GCA: variants seen among roughly 807,000 people sequenced by gnomAD.
GCA encodes the protein grancalcin, EF-hand calcium-binding protein.
In GCA, 30 loss-of-function variants were observed where a neutral mutation model predicts 32.6. The ratio of observed to expected loss-of-function variants is 0.92; its 90% CI spans 0.69 to 1.25. The LOEUF (loss-of-function observed/expected upper bound fraction) is 1.25. Among genes scored for constraint, GCA ranks in the 50% most tolerant of loss-of-function variants. The pLI, the probability that GCA is intolerant of heterozygous loss-of-function variation, is 0.00. For missense variants in GCA, 291 were observed against 266.8 expected (o/e 1.09, Z -0.63); for synonymous variants, 102 against 84.6 (o/e 1.21, Z -1.13).
rs1226425453 is a variant in GCA at position 162,321,895 on chromosome 2, T to C, written c.-31+2670T>C. On this transcript the variant is annotated intron_variant, in intron 1 of 4. Coordinates refer to the GCA transcript ENST00000429691. ...AAAAATTTAGTTACATATATATATA[T>C]ATATATATATATATATATATATATA... 1.1e-4 allele frequency among the ~76,000 whole-genome samples: 6 copies of C among 54,420 alleles called. No individual in the cohort carries two copies. The South Asian group carries it at 2.2e-3, about 20-fold the overall frequency. 35.7% of individuals were successfully genotyped at this position (54,420 alleles called of 152,430 possible).
At chr2:162,359,470 A>T in intron 6 of GCA, 24 bp from the exon 7 acceptor site, 1 of 1,238,206 alleles carries the variant, frequency 8.1e-7, no homozygotes, top group Non-Finnish European at 1.2e-6. Context: ...AATTACAATA[A>T]AAAAGTAATT....
At chr2:162,370,692 A>C (rs1049862259) in intron 4 of GCA, among the ~76,000 whole-genome samples, 2 of 152,156 alleles carry the variant, frequency 1.3e-5, no homozygotes, top group Non-Finnish European at 2.9e-5. Context: ...ATGGAATAAC[A>C]TATACTTAAT....
Position 162,360,697 on chromosome 2 carries a change from A to T in GCA, c.*454A>T. The T allele has an allele frequency of 2.2e-6, 3 of 1,351,594 alleles. No homozygotes were observed. The South Asian group carries it at 5.9e-5, about 26-fold the overall frequency. 83.7% of individuals were successfully genotyped at this position (1,351,594 alleles called of 1,614,324 possible). On this transcript the variant is annotated 3_prime_UTR_variant, in exon 8 of 8. Transcript: ENST00000437150. ...GGGTTGGCTAGAAATGAAAGCCTGG[A>T]TTTTGTGCCATGTTTGTAATATAGT...
At chr2:162,372,278 A>G (rs927404827), downstream of GCA, among the ~76,000 whole-genome samples, 1 of 152,176 alleles carries the variant, frequency 6.6e-6, no homozygotes, top group Non-Finnish European at 1.5e-5. Context: ...AGTACAGATA[A>G]TCCTAAACAA....
chr2:162,338,486 T>C (rs1415370208), intron 1 of GCA, among the ~76,000 whole-genome samples: 1 of 152,216 alleles, frequency 6.6e-6, no homozygotes, highest in Non-Finnish European at 1.5e-5. Flanking sequence ...AATTTATATA[T>C]TTCTAGAGAG....
chr2:162,356,518 G>C, intron 4 of GCA, 37 bp downstream of exon 4: 1 of 1,269,032 alleles, frequency 7.9e-7, no homozygotes, highest in Non-Finnish European at 1.2e-6. Context: ...CTAGAATAAA[G>C]AGTAATTGCT....
chr2:162,366,709 G>A (rs903572321), downstream of GCA, among the ~76,000 whole-genome samples: 17 of 151,890 alleles, frequency 1.1e-4, no homozygotes, highest in Non-Finnish European at 1.5e-4. Context: ...TGAGGCATGA[G>A]GGAGAGAGGG....
chr2:162,342,475 G>A (rs966663212), upstream of GCA, among the ~76,000 whole-genome samples: 2 of 152,146 alleles, frequency 1.3e-5, no homozygotes. Flanking sequence ...CCCACAAGGC[G>A]AAGAGGAGCT....
chr2:162,328,504 G>A (rs146983574), intron 1 of GCA, among the ~76,000 whole-genome samples: 25 of 152,264 alleles, frequency 1.6e-4, no homozygotes, highest in East Asian at 1.2e-3. Flanking sequence ...CTAAGATCCC[G>A]GGTGAGCCCC....
chr2:162,328,542 T>A (rs1683969933), intron 1 of GCA, among the ~76,000 whole-genome samples: 1 of 152,174 alleles, frequency 6.6e-6, no homozygotes, highest in African/African-American at 2.4e-5. Context: ...GTTGCCCCAC[T>A]GCTCAAACCT....
intron 3 of GCA, 124 bp from the exon 4 acceptor site, chr2:162,356,314 G>A (rs1685265192): frequency 1.5e-6 from 1 of 668,454 alleles, no homozygotes; most frequent in African/African-American, 1.8e-5. Context: ...ATAGCTTGTT[G>A]ATTGTGGTGA....
At chr2:162,341,422 A>G (rs1014476772), upstream of GCA, among the ~76,000 whole-genome samples, 13 of 151,478 alleles carry the variant, frequency 8.6e-5, no homozygotes, top group African/African-American at 3.1e-4. Flanking sequence ...AGATAGGAAA[A>G]AGAACTGCAG....
In GCA at chr2:162,359,073, A is replaced by G. The variant is rs184430160; in HGVS notation, c.484A>G (p.Thr162Ala). 1.5e-5 allele frequency: 24 copies of G among 1,591,842 alleles called. No individual in the cohort carries two copies. The highest frequency in any genetic ancestry group is 3.3e-5 in the South Asian group (3 of 90,128). ...GYRLSPQTLT[T>A]IVKRYSKNGR... ...TAGGTTGAGTCCTCAAACATTAACT[A>G]CTATTGTTAAACGTTATAGCAAGAA... The change falls in exon 6 of 8, where the codon ACT becomes GCT. Residue 162 changes from threonine (T) to alanine (A), a missense_variant. Physicochemically the swap from Thr to Ala is moderately conservative, Grantham distance 58 (BLOSUM62 0). Transcript: ENST00000437150.
downstream of GCA, among the ~76,000 whole-genome samples, chr2:162,373,926 A>G (rs1475782308): frequency 6.6e-6 from 1 of 152,194 alleles, no homozygotes; most frequent in Non-Finnish European, 1.5e-5. Context: ...CATGTTTACT[A>G]ACCTTCATTG....
In GCA at chr2:162,362,404, A is replaced by G. The variant is rs1685611405; in HGVS notation, c.*2161A>G. 7 of 973,524 alleles carry G rather than the reference A, an allele frequency of 7.2e-6. No individual in the cohort carries two copies. Among genetic ancestry groups the G allele is most frequent in the Non-Finnish European group, 8.5e-6 (7 of 819,350 alleles). 60.3% of individuals were successfully genotyped at this position (973,524 alleles called of 1,614,324 possible). ...TACCAGAATTTTTATACTGAAATACAGTTCACTTTTTCGATGCTTTAAAAA... is the reference window on the plus strand; with the variant it reads ...TACCAGAATTTTTATACTGAAATACGGTTCACTTTTTCGATGCTTTAAAAA... On this transcript the variant is annotated 3_prime_UTR_variant, in exon 8 of 8. Transcript: ENST00000437150.
At chr2:162,319,033 A>G (rs11896598), upstream of GCA, 1 of 407,956 alleles carries the variant, frequency 2.5e-6, no homozygotes, top group Non-Finnish European at 5.0e-6. Context: ...GGACGTGAAC[A>G]GGGAGTTACC....
chr2:162,347,317 C>T (rs78202855), intron 1 of GCA, among the ~76,000 whole-genome samples: 2,673 of 152,186 alleles, frequency 0.018, 35 homozygotes, highest in Non-Finnish European at 0.027. Context: ...ACATGTTCCT[C>T]TTAGATTAAG....
chr2:162,359,376 T>G (rs536529401), intron 6 of GCA, 118 bp from the exon 7 acceptor site: 97 of 595,536 alleles, frequency 1.6e-4, no homozygotes, highest in Non-Finnish European at 4.8e-5. Flanking sequence ...GCCAGGGCTA[T>G]TCAATCACTT....
chr2:162,327,623 C>G (rs767749411), intron 1 of GCA, among the ~76,000 whole-genome samples: 2 of 152,130 alleles, frequency 1.3e-5, no homozygotes, highest in Admixed American at 6.5e-5. Flanking sequence ...TTGGGGTCAG[C>G]CTTTGGCTGC....
Sources: allele counts gnomAD v4.1 joint callset (sites outside exome capture counted in the v4.1 genomes callset), GRCh38; gene constraint gnomAD v4.1.1; transcripts MANE v1.5; gene names NCBI Gene and HGNC (gene_info 2026-07-23, HGNC 2026-07-21).